PRKG1: variants seen among roughly 807,000 people sequenced by gnomAD.
PRKG1 encodes cGMP-dependent protein kinase 1.
PRKG1 carries 35 observed loss-of-function variants against 88.1 expected under a neutral mutation model. That is an observed-to-expected ratio of 0.40 (90% CI 0.30 to 0.53). PRKG1 has a LOEUF of 0.53. PRKG1 is among the 20% of genes least tolerant of loss of function. The probability of loss-of-function intolerance (pLI) is 0.59; values close to 1 mark genes in which losing one functional copy is unlikely to be tolerated. For missense variants in PRKG1, 540 were observed against 839.8 expected (o/e 0.64, Z 4.41); for synonymous variants, 303 against 292.5 (o/e 1.04, Z -0.37).
intron 12 of PRKG1, among the ~76,000 whole-genome samples, chr10:52,275,436 G>A (rs1841849564): frequency 6.6e-6 from 1 of 152,146 alleles, no homozygotes. Context: ...TGTTGAAAGA[G>A]TGTCCTTTCC....
chr10:52,151,869 C>T (rs941840586), intron 8 of PRKG1, among the ~76,000 whole-genome samples: 2 of 152,140 alleles, frequency 1.3e-5, no homozygotes, highest in African/African-American at 2.4e-5. Flanking sequence ...ATTTTAAAAT[C>T]CTTTCTTCCA....
chr10:51,761,407 T>G (rs1028856255), intron 3 of PRKG1, among the ~76,000 whole-genome samples: 1 of 152,238 alleles, frequency 6.6e-6, no homozygotes, highest in African/African-American at 2.4e-5. Context: ...GTATTCTATG[T>G]ATTTGAAAGT....
chr10:51,239,040 T>TA lies in PRKG1; in HGVS notation c.478+85718dup, dbSNP rs537719620. The stretch of plus-strand genomic sequence containing the variant: ...TTAAAGAATTTGAGGTTATAACAAC[T>TA]AAAAAAAATCTTTTTGGAAAATAAC... On this transcript the variant is annotated intron_variant, in intron 2 of 17. Coordinates refer to ENST00000373980, the MANE Select transcript of PRKG1 (RefSeq NM_006258.4). Among the ~76,000 whole-genome samples the TA allele has an allele frequency of 3.7e-3, 563 of 152,052 alleles. 2 individuals carry two copies. The highest frequency in any genetic ancestry group is 6.8e-3 in the Non-Finnish European group (459 of 67,946).
rs61707106 is a variant in PRKG1 at position 51,796,301 on chromosome 10, AG to A, written c.593-8283del. Among the ~76,000 whole-genome samples the A allele has an allele frequency of 8.6e-3, 1,306 of 152,234 alleles. 24 individuals carry two copies. Among genetic ancestry groups the A allele is most frequent in the African/African-American group, 0.03 (1,233 of 41,576 alleles). ...TTCTGGTGATAACATTAAAACGTAA[AG>A]AGAAGCAAGTATAATGAATTTTACT... On this transcript the variant is annotated intron_variant, in intron 3 of 17. Transcript: ENST00000373980.
At chr10:51,832,442 C>T (rs1840026843) in intron 4 of PRKG1, among the ~76,000 whole-genome samples, 1 of 152,002 alleles carries the variant, frequency 6.6e-6, no homozygotes, top group African/African-American at 2.4e-5. Flanking sequence ...GCTTTGTAGA[C>T]TAAGATGCTG....
chr10:51,570,609 C>T (rs765581709), intron 3 of PRKG1, among the ~76,000 whole-genome samples: 2 of 151,510 alleles, frequency 1.3e-5, no homozygotes, highest in Non-Finnish European at 2.9e-5. Flanking sequence ...TGTGTGTTTT[C>T]TAATTGCTGA....
intron 14 of PRKG1, among the ~76,000 whole-genome samples, chr10:52,285,006 C>T (rs1367953921): frequency 6.6e-6 from 1 of 152,006 alleles, no homozygotes; most frequent in African/African-American, 2.4e-5. Context: ...GTGAATTTCT[C>T]ATTGCTTCCT....
chr10:51,711,262 C>A (rs151218890), intron 3 of PRKG1, among the ~76,000 whole-genome samples: 1 of 152,060 alleles, frequency 6.6e-6, no homozygotes, highest in Non-Finnish European at 1.5e-5. Context: ...CCCGCCACCA[C>A]GCCTGGCTAA....
At position 51,854,534 on chromosome 10, in the gene PRKG1, C is replaced by T. The variant is rs1055107802; in HGVS notation, c.698+49844C>T. ...TTATGTACTGTGAAATATAACACAA[C>T]CATTATAAAAATCACAAGGCAGATC... On this transcript the variant is annotated intron_variant, in intron 4 of 17. Coordinates refer to ENST00000373980, the MANE Select transcript of PRKG1 (RefSeq NM_006258.4). 3.3e-5 allele frequency among the ~76,000 whole-genome samples: 5 copies of T among 151,966 alleles called. No individual in the cohort carries two copies. The South Asian group carries it at 1.0e-3, about 32-fold the overall frequency.
chr10:51,570,049 G>GTATATATATA (rs10617123), intron 3 of PRKG1, among the ~76,000 whole-genome samples: 1 of 128,798 alleles, frequency 7.8e-6, no homozygotes, highest in African/African-American at 3.5e-5. Flanking sequence ...ACCCAAACTA[G>GTATATATATA]TATATATATA....
At chr10:52,051,480 T>C (rs1035646337) in intron 5 of PRKG1, among the ~76,000 whole-genome samples, 2 of 152,202 alleles carry the variant, frequency 1.3e-5, no homozygotes, top group African/African-American at 4.8e-5. Context: ...CCTGTACTTA[T>C]ATACAGGAAA....
intron 5 of PRKG1, among the ~76,000 whole-genome samples, chr10:52,009,272 C>T (rs1260712863): frequency 6.6e-6 from 1 of 152,018 alleles, no homozygotes; most frequent in East Asian, 1.9e-4. Flanking sequence ...TCTAGAAAAC[C>T]CCATTGTTTC....
At chr10:52,208,044 C>T (rs1468590743) in intron 9 of PRKG1, among the ~76,000 whole-genome samples, 1 of 152,254 alleles carries the variant, frequency 6.6e-6, no homozygotes, top group African/African-American at 2.4e-5. Context: ...TAGATGACTT[C>T]ACAGATAGCT....
At position 51,100,019 on chromosome 10, in the gene PRKG1, G is replaced by A. The variant is rs144319867; in HGVS notation, c.311+25118G>A. ...AGCCATCCTCCTGTCTCAGCCTCCC[G>A]AGTATCTGGGATTCTAGGTATGCAC... On this transcript the variant is annotated intron_variant, in intron 1 of 17. Coordinates refer to ENST00000373980, the MANE Select transcript of PRKG1 (RefSeq NM_006258.4). 3.9e-5 allele frequency among the ~76,000 whole-genome samples: 6 copies of A among 152,096 alleles called. No homozygotes were observed. The East Asian group carries it at 9.7e-4, about 25-fold the overall frequency.
intron 1 of PRKG1, among the ~76,000 whole-genome samples, chr10:51,064,858 A>T (rs909154417): frequency 6.6e-6 from 1 of 152,174 alleles, no homozygotes; most frequent in East Asian, 1.9e-4. Context: ...TTTTATATCT[A>T]GGGCCTACTC....
At chr10:51,987,292 A>T (rs1330678864) in intron 5 of PRKG1, among the ~76,000 whole-genome samples, 1 of 133,280 alleles carries the variant, frequency 7.5e-6, no homozygotes, top group African/African-American at 2.7e-5. Flanking sequence ...CAAGCTTAGC[A>T]CTTTTAATTA....
At chr10:51,740,846 C>T (rs1017402738) in intron 3 of PRKG1, among the ~76,000 whole-genome samples, 1 of 151,786 alleles carries the variant, frequency 6.6e-6, no homozygotes, top group African/African-American at 2.4e-5. Flanking sequence ...GGTGGAATTT[C>T]GCTCTGAGGC....
chr10:51,324,299 C>T (rs1286573742), intron 2 of PRKG1, among the ~76,000 whole-genome samples: 1 of 152,108 alleles, frequency 6.6e-6, no homozygotes, highest in Non-Finnish European at 1.5e-5. Flanking sequence ...TACTTTCAAC[C>T]AACATGAGAT....
At chr10:51,303,143 A>C (rs1840937203) in intron 2 of PRKG1, among the ~76,000 whole-genome samples, 1 of 152,192 alleles carries the variant, frequency 6.6e-6, no homozygotes, top group African/African-American at 2.4e-5. Flanking sequence ...AAGCTATTCC[A>C]CAAGGGACAT....
Sources: allele counts gnomAD v4.1 joint callset (sites outside exome capture counted in the v4.1 genomes callset), GRCh38; gene constraint gnomAD v4.1.1; transcripts MANE v1.5; gene names NCBI Gene and HGNC (gene_info 2026-07-23, HGNC 2026-07-21).